The following IQGAP3 variants were observed in gnomAD, a reference collection of about 807,000 sequenced individuals.
IQGAP3 encodes the protein ras GTPase-activating-like protein IQGAP3.
IQGAP3 carries 165 observed loss-of-function variants against 208.2 expected under a neutral mutation model. The observed-to-expected ratio is 0.79, with a 90% confidence interval of 0.70 to 0.90. The LOEUF (loss-of-function observed/expected upper bound fraction) is 0.90. IQGAP3 is among the 40% of genes least tolerant of loss of function. IQGAP3 has a pLI of 0.00. For missense variants in IQGAP3, 1,811 were observed against 2,043.1 expected (o/e 0.89, Z 2.19); for synonymous variants, 703 against 803.6 (o/e 0.87, Z 2.12).
At position 156,530,163 on chromosome 1, in the gene IQGAP3, G is replaced by A. The variant is rs1253971663; in HGVS notation, c.4346C>T (p.Ala1449Val). Residue 1449 changes from alanine to valine, a missense_variant, in exon 34 of 38, where the codon GCC becomes GTC. By Grantham distance (64) the Ala-to-Val change is moderately conservative. Transcript: ENST00000361170. Reference protein sequence around the residue: ...RVLRNLRRLEALGLVSARNGY... With the variant: ...RVLRNLRRLEVLGLVSARNGY... Reference sequence around the variant, plus strand: ...ATTTCTGGCGCTGACCAACCCCAGGGCTTCAAGTCGGCGTAGGTTCCGCAG... The same window carrying A: ...ATTTCTGGCGCTGACCAACCCCAGGACTTCAAGTCGGCGTAGGTTCCGCAG... 6.2e-7 allele frequency: 1 copy of A among 1,611,034 alleles called. No individual in the cohort carries two copies. The highest frequency in any genetic ancestry group is 1.3e-5 in the African/African-American group (1 of 75,038).
intron 12 of IQGAP3, among the ~76,000 whole-genome samples, chr1:156,555,838 T>C (rs953120370): frequency 9.9e-5 from 15 of 152,242 alleles, no homozygotes; most frequent in African/African-American, 3.6e-4. Context: ...CTTTACTTCT[T>C]AGTACTTATT....
At position 156,548,567 on chromosome 1, in the gene IQGAP3, G is replaced by A. The variant is rs1571337518; in HGVS notation, c.1993+14C>T. On this transcript the variant is annotated intron_variant, in intron 17 of 37. Coordinates refer to ENST00000361170, the MANE Select transcript of IQGAP3 (RefSeq NM_178229.5). ...GGCAGGCAGCGAAGAGGAGGGTCAG[G>A]TTGGGGCCATTACCTGGACGCTGTT... The A allele has an allele frequency of 1.3e-6, 2 of 1,598,904 alleles. No homozygotes were observed. The highest frequency in any genetic ancestry group is 2.2e-5 in the East Asian group (1 of 44,580).
Position 156,526,150 on chromosome 1 carries a change from A to G in IQGAP3, c.*336T>C, listed in dbSNP as rs1311567878. The G allele has an allele frequency of 4.0e-6, 1 of 249,394 alleles. No individual in the cohort carries two copies. The highest frequency in any genetic ancestry group is 8.0e-6 in the Non-Finnish European group (1 of 124,942). The allele number at this position is 249,394 out of a possible 1,614,324, so 15.4% of individuals were successfully genotyped here. A position where few individuals can be genotyped will look rare whatever the true frequency, so the allele number is the denominator to read the frequency against. ...AAGCCGCTGGGGCAGTGCTTGTAAT[A>G]TTGGGGTGACTGTGGGAGGGCAGTA... On this transcript the variant is annotated 3_prime_UTR_variant, in exon 38 of 38. Coordinates refer to ENST00000361170, the MANE Select transcript of IQGAP3 (RefSeq NM_178229.5).
Position 156,537,133 on chromosome 1 carries a change from C to A in IQGAP3, c.3422+48G>T, listed in dbSNP as rs373766803. On this transcript the variant is annotated intron_variant, in intron 27 of 37. Coordinates refer to ENST00000361170, the MANE Select transcript of IQGAP3 (RefSeq NM_178229.5). ...TGCTCTGCTCCCCATGGTGGCCTGG[C>A]CCTCTTGAAATCCCATGCGTAGGCT... The A allele has an allele frequency of 5.3e-5, 84 of 1,586,020 alleles. 1 individual carries two copies. In the African/African-American group the frequency reaches 1.0e-3, roughly 20 times the overall value.
At chr1:156,570,909 A>C (rs562781627) in intron 1 of IQGAP3, among the ~76,000 whole-genome samples, 2 of 152,344 alleles carry the variant, frequency 1.3e-5, no homozygotes, top group Admixed American at 6.5e-5. Flanking sequence ...AGAGGAAGCA[A>C]AGGATTCTAG....
rs759744682 is a variant in IQGAP3, at chr1:156,556,673, T to A, written c.1150A>T (p.Ile384Phe). ...EQAMLHAVQR[I>F]NKAIRRRVAA... ...ACTCTCCTCCGGATGGCTTTGTTGA[T>A]CCGCTGCACAGCGTGGAGCACTGCA... Residue 384 changes from isoleucine to phenylalanine, a missense_variant, in exon 12 of 38, where the codon ATC becomes TTC. Coordinates refer to ENST00000361170, the MANE Select transcript of IQGAP3 (RefSeq NM_178229.5). The A allele has an allele frequency of 6.3e-7, 1 of 1,598,054 alleles. No individual in the cohort carries two copies. The highest frequency in any genetic ancestry group is 1.1e-5 in the South Asian group (1 of 89,318).
intron 2 of IQGAP3, among the ~76,000 whole-genome samples, chr1:156,568,861 A>G (rs924749120): frequency 2.7e-5 from 4 of 150,566 alleles, no homozygotes; most frequent in African/African-American, 9.8e-5. Context: ...AAGGAAAGAA[A>G]GAAAAGAAAT....
Position 156,537,246 on chromosome 1 carries a change from T to C in IQGAP3, c.3357A>G (p.Leu1119=). The change falls in exon 27 of 38, where the codon CTA becomes CTG. Residue 1119 remains leucine, a synonymous_variant. Coordinates refer to ENST00000361170, the MANE Select transcript of IQGAP3 (RefSeq NM_178229.5). ...PEVQRRLDIA[L]RNLLAMTDKF... ...TATCAGTCATGGCGAGGAGGTTGCG[T>C]AGGGCGATGTCCAGTCGTCTCTGGA... 6.2e-7 allele frequency: 1 copy of C among 1,613,934 alleles called. No individual in the cohort carries two copies. The highest frequency in any genetic ancestry group is 1.3e-5 in the African/African-American group (1 of 74,988).
At chr1:156,568,719 C>T (rs565480015) in intron 2 of IQGAP3, among the ~76,000 whole-genome samples, 53 of 152,222 alleles carry the variant, frequency 3.5e-4, no homozygotes, top group Non-Finnish European at 6.2e-4. Context: ...GATGGGGTTT[C>T]GCCATGTTGC....
rs1674186021 is a variant in IQGAP3, at chr1:156,528,020, C to A, written c.4714G>T (p.Ala1572Ser). 6.2e-7 allele frequency: 1 copy of A among 1,614,154 alleles called. No individual in the cohort carries two copies. Among genetic ancestry groups the A allele is most frequent in the Non-Finnish European group, 8.5e-7 (1 of 1,180,000 alleles). The change falls in exon 37 of 38, where the codon GCA becomes TCA. Residue 1572 changes from alanine (A) to serine (S), a missense_variant. By Grantham distance (99) the Ala-to-Ser change is moderately conservative. Coordinates refer to ENST00000361170, the MANE Select transcript of IQGAP3 (RefSeq NM_178229.5). ...VIFDITPGDE[A>S]GKFEVNAKFL... ...TTGGCATTTACTTCAAACTTTCCTG[C>A]CTCATCTCCCGGCGTGATGTCAAAG...
At chr1:156,535,294 C>G (rs1414902299) in intron 27 of IQGAP3, 47 bp from the exon 28 acceptor site, 2 of 1,335,874 alleles carry the variant, frequency 1.5e-6, no homozygotes, top group Non-Finnish European at 2.1e-6. Context: ...CTGCCCATCT[C>G]TCTCTGCCAG....
rs1214644046 is a variant in IQGAP3 at position 156,566,118 on chromosome 1, A to G, written c.283-14T>C. ...TAAGCCAGTTGCCTGAAAGGGAAGG[A>G]AAAAGAAAATCTATTTCCACAGTTC... On this transcript the variant is annotated splice_polypyrimidine_tract_variant and intron_variant, in intron 3 of 37. Transcript: ENST00000361170. The G allele has an allele frequency of 1.2e-6, 2 of 1,610,672 alleles. No individual in the cohort carries two copies. The highest frequency in any genetic ancestry group is 2.7e-5 in the African/African-American group (2 of 74,836).
At chr1:156,561,253 C>T (rs1676137759) in intron 10 of IQGAP3, among the ~76,000 whole-genome samples, 1 of 152,074 alleles carries the variant, frequency 6.6e-6, no homozygotes, top group Admixed American at 6.6e-5. Context: ...ACGGCAACCT[C>T]TGCCTCCCGG....
intron 11 of IQGAP3, among the ~76,000 whole-genome samples, chr1:156,559,900 A>C (rs1257091647): frequency 6.6e-6 from 1 of 152,204 alleles, no homozygotes; most frequent in Non-Finnish European, 1.5e-5. Context: ...GGGAGATAAG[A>C]TCAGATCTGT....
At chr1:156,556,935 T>TGTCATG (rs1675848641) in intron 11 of IQGAP3, among the ~76,000 whole-genome samples, 1 of 41,660 alleles carries the variant, frequency 2.4e-5, no homozygotes, top group African/African-American at 5.8e-5. Context: ...GCTCAGCCTC[T>TGTCATG]GCCCCGCCGC....
intron 22 of IQGAP3, among the ~76,000 whole-genome samples, chr1:156,542,742 C>T: frequency 6.6e-6 from 1 of 152,006 alleles, no homozygotes. Context: ...GAGTTTGAGA[C>T]CAGTCTGGGC....
At position 156,552,052 on chromosome 1, in the gene IQGAP3, C is replaced by T; in HGVS notation, c.1492G>A (p.Gly498Ser). 1.2e-6 allele frequency: 2 copies of T among 1,614,178 alleles called. No individual in the cohort carries two copies. The highest frequency in any genetic ancestry group is 1.1e-5 in the South Asian group (1 of 91,072). ...LLKLRQERGM[G>S]EDFLSWNDLQ... is the part of the protein sequence containing the mutation. ...TCATTCCAGCTCAGGAAGTCCTCAC[C>T]CATCCCACGCTCCTGTCGCAATTTC... The change falls in exon 14 of 38, where the codon GGT becomes AGT. Residue 498 changes from glycine to serine, a missense_variant. Gly to Ser is a moderately conservative substitution (Grantham distance 56, BLOSUM62 0). Coordinates refer to ENST00000361170, the MANE Select transcript of IQGAP3 (RefSeq NM_178229.5).
At chr1:156,564,826 C>A in intron 4 of IQGAP3, 135 bp from the exon 5 acceptor site, 2 of 672,914 alleles carry the variant, frequency 3.0e-6, no homozygotes, top group Non-Finnish European at 2.7e-6. Context: ...GTGTCTAGGT[C>A]AGTCTCCCCC....
intron 23 of IQGAP3, among the ~76,000 whole-genome samples, chr1:156,540,357 A>G (rs928429064): frequency 2.0e-5 from 3 of 152,186 alleles, no homozygotes; most frequent in African/African-American, 4.8e-5. Context: ...TATGATTTAA[A>G]CAGCTTTCAT....
Sources: gnomAD v4.1 joint callset for allele counts (sites outside exome capture counted in the v4.1 genomes callset) on GRCh38, gnomAD v4.1.1 for gene constraint, MANE v1.5 for transcripts, NCBI Gene and HGNC (gene_info 2026-07-23, HGNC 2026-07-21) for gene names.